The following RPTOR variants were observed in gnomAD, a reference collection of about 807,000 sequenced individuals.
RPTOR encodes the protein regulatory associated protein of MTOR complex 1, also known as regulatory-associated protein of mTOR.
Under a neutral mutation model 169.9 loss-of-function variants are expected in RPTOR, and 21 were observed. The observed-to-expected ratio is 0.12, with a 90% CI of 0.09 to 0.18. The LOEUF is 0.18. RPTOR is among the 10% of genes least tolerant of loss of function. The pLI, the probability that RPTOR is intolerant of heterozygous loss-of-function variation, is 1.00. For missense variants in RPTOR, 1,133 were observed against 1,855.9 expected (o/e 0.61, Z 7.16); for synonymous variants, 732 against 753.2 (o/e 0.97, Z 0.46).
At chr17:80,910,677 G>T (rs1298983823) in intron 21 of RPTOR, among the ~76,000 whole-genome samples, 6 of 152,154 alleles carry the variant, frequency 3.9e-5, no homozygotes, top group Non-Finnish European at 8.8e-5. Flanking sequence ...TGGCCTTCTG[G>T]GTCCTGGCCG....
chr17:80,658,778 C>T (rs2065698690), intron 3 of RPTOR, among the ~76,000 whole-genome samples: 1 of 152,228 alleles, frequency 6.6e-6, no homozygotes, highest in African/African-American at 2.4e-5. Context: ...GCACAGTCTG[C>T]TGTTTAGCCA....
chr17:80,751,948 T>A (rs1186765167), intron 5 of RPTOR, among the ~76,000 whole-genome samples: 4 of 152,228 alleles, frequency 2.6e-5, no homozygotes, highest in African/African-American at 9.6e-5. Flanking sequence ...GGTTGGCCCC[T>A]ACAGCAGAAT....
rs1210179325 is a variant in RPTOR, at chr17:80,959,907, TG to T, written c.3478-168del. On this transcript the variant is annotated intron_variant, in intron 29 of 33. Transcript: ENST00000306801. The surrounding 1 kb of genome is among the most constrained non-coding windows in gnomAD (Gnocchi z 6.7). ...AGCCCCTGCCTCTCCCTGGGACTCC[TG>T]GGCTCCCCAGGCCTTTGATGCTTCC... Among the ~76,000 whole-genome samples the T allele has an allele frequency of 6.6e-6, 1 of 152,148 alleles. No individual in the cohort carries two copies. Among genetic ancestry groups the T allele is most frequent in the African/African-American group, 2.4e-5 (1 of 41,440 alleles).
At chr17:80,713,798 G>A (rs2066217101) in intron 4 of RPTOR, among the ~76,000 whole-genome samples, 1 of 152,106 alleles carries the variant, frequency 6.6e-6, no homozygotes, top group South Asian at 2.1e-4. Context: ...TAATATCAGA[G>A]TTTCAAAGGA....
At chr17:80,868,493 G>T (rs1052882851) in intron 13 of RPTOR, among the ~76,000 whole-genome samples, 1 of 152,220 alleles carries the variant, frequency 6.6e-6, no homozygotes, top group African/African-American at 2.4e-5. Flanking sequence ...CGGCAAGGCC[G>T]TGGAGGAACT....
chr17:80,768,554 T>C (rs1251153676), intron 6 of RPTOR, among the ~76,000 whole-genome samples: 1 of 151,860 alleles, frequency 6.6e-6, no homozygotes, highest in Non-Finnish European at 1.5e-5. Context: ...GAAAGAGTGC[T>C]CAGCCCCGGC....
intron 3 of RPTOR, among the ~76,000 whole-genome samples, chr17:80,684,014 TG>T (rs1264849065): frequency 1.3e-5 from 2 of 152,204 alleles, no homozygotes; most frequent in Non-Finnish European, 2.9e-5. Flanking sequence ...AATTCAGAAT[TG>T]CCGTCTCGTA....
chr17:80,883,714 C>T, intron 15 of RPTOR, 67 bp from the exon 16 acceptor site: 1 of 1,541,222 alleles, frequency 6.5e-7, no homozygotes. Flanking sequence ...TTGTCCCGTG[C>T]AGGTACCCAC....
chr17:80,908,194 C>G (rs774634732), intron 20 of RPTOR, among the ~76,000 whole-genome samples: 2 of 152,230 alleles, frequency 1.3e-5, no homozygotes, highest in African/African-American at 4.8e-5. Flanking sequence ...CTGGGTCCTG[C>G]CTTGTCTGTC....
intron 10 of RPTOR, among the ~76,000 whole-genome samples, chr17:80,840,531 C>T (rs1355100106): frequency 6.2e-5 from 9 of 144,518 alleles, no homozygotes; most frequent in Admixed American, 5.5e-4. Flanking sequence ...AGCTCACACT[C>T]ACCGCACGGC....
At chr17:80,637,799 T>A (rs2065519655) in intron 2 of RPTOR, among the ~76,000 whole-genome samples, 1 of 152,222 alleles carries the variant, frequency 6.6e-6, no homozygotes, top group Non-Finnish European at 1.5e-5. Flanking sequence ...GGTCTTAGCT[T>A]TGTTTTTCTC....
intron 5 of RPTOR, chr17:80,743,378 G>A: frequency 1.0e-6 from 1 of 985,548 alleles, no homozygotes; most frequent in Non-Finnish European, 1.2e-6. Context: ...GCCTGAAGGA[G>A]ATGTCTAACC....
At chr17:80,813,131 C>T (rs1003942657) in intron 7 of RPTOR, among the ~76,000 whole-genome samples, 3 of 152,162 alleles carry the variant, frequency 2.0e-5, no homozygotes, top group Non-Finnish European at 2.9e-5. Context: ...GTTTTATGCA[C>T]GCTAAAATGG....
intron 2 of RPTOR, among the ~76,000 whole-genome samples, chr17:80,632,843 T>C (rs2065452343): frequency 6.6e-6 from 1 of 152,342 alleles, no homozygotes; most frequent in South Asian, 2.1e-4. Context: ...CTTACTCTGT[T>C]GCCCAGGCTG....
At chr17:80,829,174 C>T (rs2067476240) in intron 9 of RPTOR, among the ~76,000 whole-genome samples, 1 of 152,196 alleles carries the variant, frequency 6.6e-6, no homozygotes, top group South Asian at 2.1e-4. Flanking sequence ...ATGGCTAAGG[C>T]ATTATTGTTC....
rs1264288214 is a variant in RPTOR, at chr17:80,963,162, A to G, written c.3939+105A>G. 4 of 1,112,794 alleles carry G rather than the reference A, an allele frequency of 3.6e-6. No individual in the cohort carries two copies. In the Admixed American group the frequency reaches 8.3e-5, roughly 23 times the overall value. 68.9% of individuals were successfully genotyped at this position (1,112,794 alleles called of 1,614,324 possible). On this transcript the variant is annotated intron_variant, in intron 33 of 33. Coordinates refer to ENST00000306801, the MANE Select transcript of RPTOR (RefSeq NM_020761.3). ...GTCCTGCCTGGCTACCCCACACCAC[A>G]GTGGGGCCCATTGGCTGCCTGAGGG...
At chr17:80,567,557 C>T (rs867360976) in intron 1 of RPTOR, among the ~76,000 whole-genome samples, 12 of 151,696 alleles carry the variant, frequency 7.9e-5, no homozygotes, top group South Asian at 2.1e-4. Context: ...TTTGGGAGGC[C>T]GAGGCAGGCA....
intron 28 of RPTOR, among the ~76,000 whole-genome samples, chr17:80,951,552 C>T (rs896054525): frequency 2.0e-5 from 3 of 152,230 alleles, no homozygotes; most frequent in African/African-American, 7.2e-5. Context: ...GCACCAGGCA[C>T]AGCTCTGGGC....
chr17:80,903,619 A>T (rs917711374), intron 20 of RPTOR, among the ~76,000 whole-genome samples: 2 of 152,210 alleles, frequency 1.3e-5, no homozygotes, highest in Non-Finnish European at 2.9e-5. Flanking sequence ...CTTGGGCTCA[A>T]GCAATCCTCC....
Sources: allele counts gnomAD v4.1 joint callset (sites outside exome capture counted in the v4.1 genomes callset), GRCh38; gene constraint gnomAD v4.1.1; non-coding constraint Gnocchi (gnomAD v3.1); transcripts MANE v1.5; gene names NCBI Gene and HGNC (gene_info 2026-07-23, HGNC 2026-07-21).